RBFOX1: variants seen among roughly 807,000 people sequenced by gnomAD.
RBFOX1 encodes RNA binding fox-1 homolog 1.
In RBFOX1, 8 loss-of-function variants were observed where a neutral mutation model predicts 57.7. The ratio of observed to expected loss-of-function variants is 0.14; its 90% CI spans 0.08 to 0.25. RBFOX1 has a LOEUF of 0.25. Ranked by LOEUF, RBFOX1 falls within the 10% of genes least tolerant of loss-of-function variation. The pLI, the probability that RBFOX1 is intolerant of heterozygous loss-of-function variation, is 1.00. For missense variants in RBFOX1, 611 were observed against 548.5 expected, an observed-to-expected ratio of 1.11 and a Z score of -1.14; for synonymous variants, 326 against 222.4, an observed-to-expected ratio of 1.47 and a Z score of -4.15.
rs2095032136 is a variant in RBFOX1 at position 6,019,859 on chromosome 16, T to C, written c.-260T>C. 6 of 1,533,330 alleles carry C rather than the reference T, an allele frequency of 3.9e-6. No individual in the cohort carries two copies. Among genetic ancestry groups the C allele is most frequent in the Non-Finnish European group, 5.2e-6 (6 of 1,145,778 alleles). 95.0% of individuals were successfully genotyped at this position (1,533,330 alleles called of 1,614,324 possible). A position where few individuals can be genotyped will look rare whatever the true frequency, so the allele number is the denominator to read the frequency against. On this transcript the variant is annotated 5_prime_UTR_variant, in exon 1 of 16. Transcript: ENST00000550418. The surrounding 1 kb of genome is among the most constrained non-coding windows in gnomAD (Gnocchi z 4.2). ...GACCTGCCCGCGAAGTTGCGGACAGTGCGTGAGAAACCAGCACCCCCTTCC... is the reference window on the plus strand; with the variant it reads ...GACCTGCCCGCGAAGTTGCGGACAGCGCGTGAGAAACCAGCACCCCCTTCC...
chr16:6,195,763 T>C (rs1008891655), intron 1 of RBFOX1, among the ~76,000 whole-genome samples: 2 of 151,852 alleles, frequency 1.3e-5, no homozygotes, highest in East Asian at 1.9e-4. Flanking sequence ...GGATATGTGC[T>C]CTCTCTGAGG....
At chr16:6,719,687 C>T (rs938555991) in intron 3 of RBFOX1, among the ~76,000 whole-genome samples, 2 of 151,632 alleles carry the variant, frequency 1.3e-5, no homozygotes, top group Non-Finnish European at 2.9e-5. Flanking sequence ...ACCTTGTGAT[C>T]CACCCACCTT....
At chr16:6,778,126 A>C (rs1490764375) in intron 3 of RBFOX1, among the ~76,000 whole-genome samples, 3 of 151,898 alleles carry the variant, frequency 2.0e-5, no homozygotes, top group African/African-American at 4.8e-5. Flanking sequence ...CTGGATGCGC[A>C]GTGCGATTAA....
At chr16:6,993,488 T>C (rs567516617) in intron 3 of RBFOX1, among the ~76,000 whole-genome samples, 95 of 152,280 alleles carry the variant, frequency 6.2e-4, no homozygotes, top group Middle Eastern at 3.4e-3. Context: ...AGCCATCCTG[T>C]TGCATTGAAG....
At chr16:6,680,754 T>C (rs2058528691) in intron 3 of RBFOX1, among the ~76,000 whole-genome samples, 1 of 152,220 alleles carries the variant, frequency 6.6e-6, no homozygotes, top group Admixed American at 6.5e-5. Context: ...TTTATCTTTG[T>C]AAGGCGGAAA....
intron 4 of RBFOX1, among the ~76,000 whole-genome samples, chr16:7,101,925 G>C (rs917555807): frequency 6.6e-6 from 1 of 152,150 alleles, no homozygotes; most frequent in Non-Finnish European, 1.5e-5. Flanking sequence ...GAGGATTGAA[G>C]CATAGTTGGT....
Position 5,385,459 on chromosome 16 carries a change from A to G in RBFOX1, c.220-81757A>G, listed in dbSNP as rs777210742. On this transcript the variant is annotated intron_variant, in intron 1 of 2. Transcript: ENST00000585867. ...CATGAAACATGCACTTTGAGCAGAG[A>G]GTACTTAACAACAATTAGTAATGAG... 1.4e-4 allele frequency among the ~76,000 whole-genome samples: 21 copies of G among 152,222 alleles called. 1 individual carries two copies. The highest frequency in any genetic ancestry group is 4.1e-4 in the South Asian group (2 of 4,834).
intron 4 of RBFOX1, among the ~76,000 whole-genome samples, chr16:5,919,939 C>T (rs2058784915): frequency 6.6e-6 from 1 of 151,470 alleles, no homozygotes; most frequent in South Asian, 2.1e-4. Flanking sequence ...AAACATATAT[C>T]AGTACTTCCA....
chr16:7,017,387 C>G (rs1403868195), intron 3 of RBFOX1, among the ~76,000 whole-genome samples: 2 of 152,108 alleles, frequency 1.3e-5, no homozygotes, highest in Non-Finnish European at 2.9e-5. Flanking sequence ...ATTTATGGCT[C>G]TCTAATAACG....
intron 3 of RBFOX1, among the ~76,000 whole-genome samples, chr16:7,000,922 G>A (rs995908717): frequency 1.3e-5 from 2 of 151,974 alleles, no homozygotes; most frequent in Non-Finnish European, 2.9e-5. Flanking sequence ...AAATTTTCTT[G>A]TTTACTTCCA....
At chr16:6,636,970 A>T (rs1417701719) in intron 2 of RBFOX1, among the ~76,000 whole-genome samples, 28 of 128,344 alleles carry the variant, frequency 2.2e-4, no homozygotes, top group Non-Finnish European at 2.8e-4. Flanking sequence ...TATATTATGT[A>T]TATTTATGTA....
intron 3 of RBFOX1, among the ~76,000 whole-genome samples, chr16:6,916,961 T>G (rs2153446672): frequency 6.6e-6 from 1 of 152,306 alleles, no homozygotes; most frequent in Admixed American, 6.5e-5. Flanking sequence ...GCGGTTTTCC[T>G]GCCTCAGCCT....
intron 4 of RBFOX1, among the ~76,000 whole-genome samples, chr16:5,922,660 C>T (rs377637547): frequency 1.3e-5 from 2 of 152,194 alleles, no homozygotes; most frequent in East Asian, 3.9e-4. Flanking sequence ...CATCAGTAAC[C>T]ACCCACCCTC....
intron 3 of RBFOX1, among the ~76,000 whole-genome samples, chr16:5,732,551 C>T (rs914176287): frequency 3.3e-5 from 5 of 152,168 alleles, no homozygotes; most frequent in African/African-American, 1.2e-4. Context: ...TGGGGTCAGG[C>T]AGACGATGGT....
intron 3 of RBFOX1, among the ~76,000 whole-genome samples, chr16:6,788,683 G>A (rs1011896700): frequency 6.6e-6 from 1 of 151,878 alleles, no homozygotes; most frequent in Non-Finnish European, 1.5e-5. Flanking sequence ...CACCGTGTTA[G>A]CCAGGATGGT....
At chr16:6,972,553 A>G (rs2085817505) in intron 3 of RBFOX1, among the ~76,000 whole-genome samples, 1 of 152,110 alleles carries the variant, frequency 6.6e-6, no homozygotes, top group Non-Finnish European at 1.5e-5. Context: ...ACATGGGGAT[A>G]CAAATATATT....
intron 1 of RBFOX1, among the ~76,000 whole-genome samples, chr16:5,392,379 C>T (rs777784916): frequency 1.1e-4 from 17 of 152,046 alleles, no homozygotes; most frequent in Non-Finnish European, 2.2e-4. Flanking sequence ...CTGCAAAGGC[C>T]GTACTTCCAA....
chr16:6,417,737 T>G (rs1243313088), intron 2 of RBFOX1, among the ~76,000 whole-genome samples: 1 of 149,954 alleles, frequency 6.7e-6, no homozygotes, highest in Non-Finnish European at 1.5e-5. Flanking sequence ...TTCAAGGGTA[T>G]AAGTGCAGGT....
intron 3 of RBFOX1, among the ~76,000 whole-genome samples, chr16:7,029,911 C>G (rs1208729404): frequency 6.6e-6 from 1 of 152,152 alleles, no homozygotes; most frequent in East Asian, 1.9e-4. Context: ...GCCATTTCTT[C>G]TCACTAGAAT....
Sources: allele counts gnomAD v4.1 joint callset (sites outside exome capture counted in the v4.1 genomes callset), GRCh38; gene constraint gnomAD v4.1.1; non-coding constraint Gnocchi (gnomAD v3.1); transcripts MANE v1.5; gene names NCBI Gene and HGNC (gene_info 2026-07-23, HGNC 2026-07-21).